The following ARID2 variants were observed in gnomAD, a reference collection of about 807,000 sequenced individuals.
ARID2 encodes AT-rich interactive domain-containing protein 2.
ARID2 carries 32 observed loss-of-function variants against 184.6 expected under a neutral mutation model. The observed-to-expected ratio is 0.17, with a 90% CI of 0.13 to 0.23. The LOEUF (loss-of-function observed/expected upper bound fraction) is 0.23, where lower values mean the gene tolerates loss of function less well. Ranked by LOEUF, ARID2 falls within the 10% of genes least tolerant of loss-of-function variation. The pLI is 1.00. For missense variants in ARID2, 1,696 were observed against 2,197.6 expected (o/e 0.77, Z 4.56); for synonymous variants, 836 against 772.6 (o/e 1.08, Z -1.36).
chr12:45,793,327 A>G (rs916123657), intron 3 of ARID2, among the ~76,000 whole-genome samples: 1 of 140,230 alleles, frequency 7.1e-6, no homozygotes, highest in African/African-American at 2.9e-5. Flanking sequence ...TTGTATTTTT[A>G]TCTCTCTGCT....
chr12:45,750,386 AT>A (rs1941439892), intron 3 of ARID2, among the ~76,000 whole-genome samples: 1 of 152,212 alleles, frequency 6.6e-6, no homozygotes, highest in African/African-American at 2.4e-5. Context: ...ACCATAATGG[AT>A]ATAATAATAA....
At chr12:45,836,557 A>C in intron 6 of ARID2, 32 bp from the exon 7 acceptor site, 1 of 1,578,980 alleles carries the variant, frequency 6.3e-7, no homozygotes, top group Non-Finnish European at 8.6e-7. Flanking sequence ...GTTGTTTCAA[A>C]TCATGGAGAA....
At chr12:45,810,806 A>G (rs1318019649) in intron 3 of ARID2, among the ~76,000 whole-genome samples, 1 of 152,226 alleles carries the variant, frequency 6.6e-6, no homozygotes, top group African/African-American at 2.4e-5. Flanking sequence ...TTACAAATAA[A>G]TAAAGGTACT....
rs2138165811 is a variant in ARID2 at position 45,850,878 on chromosome 12, C to T, written c.2755C>T (p.Gln919Ter). The change falls in exon 15 of 21, where the codon CAG (glutamine) becomes TAG (stop). Residue 919 changes from glutamine to a stop codon, truncating the protein, a stop_gained. Transcript: ENST00000334344. LOFTEE classifies it high-confidence loss of function. ...TVVQQPIQQP[Q>*]QPTQQSVVIV... ...GGTACAGCAGCCTATTCAACAACCACAGCAGCCAACCCAACAAAGCGTAGT... is the reference window on the plus strand; with the variant it reads ...GGTACAGCAGCCTATTCAACAACCATAGCAGCCAACCCAACAAAGCGTAGT... 1 of 1,614,170 alleles carries T rather than the reference C, an allele frequency of 6.2e-7. No individual in the cohort carries two copies. Among genetic ancestry groups the T allele is most frequent in the Non-Finnish European group, 8.5e-7 (1 of 1,180,022 alleles).
In ARID2 at chr12:45,905,554, G is replaced by A. The variant is rs752095546; in HGVS notation, c.*476G>A. ...AAAGTTTCAGCACACCTATACCCCC[G>A]ATCTCAGAGGGGGCCACCAATATCT... On this transcript the variant is annotated 3_prime_UTR_variant, in exon 21 of 21. Coordinates refer to ENST00000334344, the MANE Select transcript of ARID2 (RefSeq NM_152641.4). 1.2e-4 allele frequency: 29 copies of A among 233,184 alleles called. No individual in the cohort carries two copies. The highest frequency in any genetic ancestry group is 2.1e-4 in the Non-Finnish European group (25 of 117,866). The allele number at this position is 233,184 out of a possible 1,614,324, so 14.4% of individuals were successfully genotyped here.
intron 3 of ARID2, among the ~76,000 whole-genome samples, chr12:45,784,436 C>T (rs190816484): frequency 2.2e-4 from 33 of 152,204 alleles, no homozygotes; most frequent in Non-Finnish European, 5.9e-5. Flanking sequence ...CAATGAGAAA[C>T]ATGTAAGACC....
chr12:45,771,545 T>A (rs1317525643), intron 3 of ARID2, among the ~76,000 whole-genome samples: 1 of 151,576 alleles, frequency 6.6e-6, no homozygotes, highest in South Asian at 2.1e-4. Context: ...CAGTGTTGCA[T>A]GCCTGTAGTC....
In ARID2 at chr12:45,850,768, G is replaced by A. The variant is rs1943533447; in HGVS notation, c.2645G>A (p.Gly882Asp). 6.2e-7 allele frequency: 1 copy of A among 1,613,920 alleles called. No individual in the cohort carries two copies. The highest frequency in any genetic ancestry group is 1.7e-5 in the Admixed American group (1 of 59,988). Residue 882 changes from glycine (G) to aspartate (D), a missense_variant, in exon 15 of 21, where the codon GGT becomes GAT. Around this residue, in one of 11 missense-constraint regions of ARID2, gnomAD observed 713 missense variants for 824.4 expected, o/e 0.86. Transcript: ENST00000334344. ...VATGQMVTIA[G>D]VPSPQASRVG... ...ACAGGACAAATGGTTACTATTGCTG[G>A]TGTCCCAAGTCCACAAGCCTCAAGG...
chr12:45,736,589 C>G (rs979083697), intron 3 of ARID2, among the ~76,000 whole-genome samples: 1 of 151,994 alleles, frequency 6.6e-6, no homozygotes, highest in Non-Finnish European at 1.5e-5. Flanking sequence ...TGGATTTTGT[C>G]TGAATTGGGA....
At chr12:45,829,658 G>GT (rs1196194120) in intron 6 of ARID2, among the ~76,000 whole-genome samples, 3 of 142,366 alleles carry the variant, frequency 2.1e-5, no homozygotes, top group Non-Finnish European at 4.7e-5. Flanking sequence ...TCATTCTGTT[G>GT]TTTTTTGCGT....
At chr12:45,779,986 T>A (rs1222860991) in intron 3 of ARID2, among the ~76,000 whole-genome samples, 1 of 152,172 alleles carries the variant, frequency 6.6e-6, no homozygotes, top group Non-Finnish European at 1.5e-5. Flanking sequence ...GGCCTCAGTT[T>A]CCTTATCTAT....
At chr12:45,855,959 A>C (rs1251111655) in intron 15 of ARID2, among the ~76,000 whole-genome samples, 1 of 151,892 alleles carries the variant, frequency 6.6e-6, no homozygotes, top group Non-Finnish European at 1.5e-5. Flanking sequence ...AACTCCTAGC[A>C]GACTTGAGTG....
At chr12:45,765,949 C>G (rs866740374) in intron 3 of ARID2, among the ~76,000 whole-genome samples, 2 of 152,040 alleles carry the variant, frequency 1.3e-5, no homozygotes, top group Non-Finnish European at 1.5e-5. Flanking sequence ...CTCTTTTAGT[C>G]AACAAAATTA....
chr12:45,864,225 G>T (rs1943798136), intron 16 of ARID2, among the ~76,000 whole-genome samples: 1 of 151,832 alleles, frequency 6.6e-6, no homozygotes, highest in South Asian at 2.1e-4. Flanking sequence ...TTGATGCTTG[G>T]TTTTTTGATC....
chr12:45,901,835 T>C (rs1390232737), intron 20 of ARID2, among the ~76,000 whole-genome samples: 1 of 152,092 alleles, frequency 6.6e-6, no homozygotes, highest in Non-Finnish European at 1.5e-5. Context: ...CAGTTCATTT[T>C]TTAATTTTCT....
At chr12:45,767,944 G>A (rs1161790211) in intron 3 of ARID2, among the ~76,000 whole-genome samples, 1 of 152,176 alleles carries the variant, frequency 6.6e-6, no homozygotes, top group African/African-American at 2.4e-5. Flanking sequence ...ACTTTCCGGT[G>A]AAACTGGAAA....
intron 3 of ARID2, among the ~76,000 whole-genome samples, chr12:45,750,548 C>T (rs1941444240): frequency 6.6e-6 from 1 of 152,104 alleles, no homozygotes; most frequent in Non-Finnish European, 1.5e-5. Flanking sequence ...CTGGAAAGCA[C>T]AATAAAATGA....
chr12:45,743,916 A>G (rs948897121), intron 3 of ARID2, among the ~76,000 whole-genome samples: 1 of 152,100 alleles, frequency 6.6e-6, no homozygotes, highest in Non-Finnish European at 1.5e-5. Flanking sequence ...GTTATCATTT[A>G]TTTATATAAA....
chr12:45,838,283 A>G (rs1385977881), intron 10 of ARID2, among the ~76,000 whole-genome samples: 1 of 152,228 alleles, frequency 6.6e-6, no homozygotes, highest in African/African-American at 2.4e-5. Context: ...ACTTACTAAC[A>G]CATGCCATGT....
Sources: gnomAD v4.1 joint callset for allele counts (sites outside exome capture counted in the v4.1 genomes callset) on GRCh38, gnomAD v4.1.1 for gene constraint, gnomAD v4.1.1 regional missense constraint, MANE v1.5 for transcripts, NCBI Gene and HGNC (gene_info 2026-07-23, HGNC 2026-07-21) for gene names.